Variants in HHAT observed in about 807,000 individuals in gnomAD.
The protein encoded by HHAT is protein-cysteine N-palmitoyltransferase HHAT.
HHAT carries 47 observed loss-of-function variants against 70.8 expected under a neutral mutation model. The observed-to-expected ratio is 0.66, with a 90% CI of 0.53 to 0.85. The LOEUF is 0.85. HHAT is among the 40% of genes least tolerant of loss of function. The pLI is 0.00. For synonymous variants in HHAT, 228 were observed against 247.6 expected (o/e 0.92, Z 0.74); for missense variants, 609 against 604.8 (o/e 1.01, Z -0.07).
At chr1:210,453,641 C>T (rs902604781) in intron 7 of HHAT, among the ~76,000 whole-genome samples, 2 of 152,132 alleles carry the variant, frequency 1.3e-5, no homozygotes, top group Non-Finnish European at 2.9e-5. Flanking sequence ...TTCTTAGATG[C>T]AGAAAATACT....
chr1:210,427,920 G>T (rs1302891349), intron 7 of HHAT, among the ~76,000 whole-genome samples: 1 of 152,000 alleles, frequency 6.6e-6, no homozygotes, highest in Non-Finnish European at 1.5e-5. Flanking sequence ...TATTGTGGGG[G>T]AGTCTAAGTC....
intron 10 of HHAT, among the ~76,000 whole-genome samples, chr1:210,607,792 TA>T (rs1294976474): frequency 1.3e-5 from 2 of 151,544 alleles, no homozygotes; most frequent in South Asian, 2.1e-4. Flanking sequence ...CCATATGCCT[TA>T]AAAAAAATAG....
chr1:210,348,507 A>G (rs1319422993), intron 1 of HHAT, among the ~76,000 whole-genome samples: 1 of 152,162 alleles, frequency 6.6e-6, no homozygotes, highest in Non-Finnish European at 1.5e-5. Context: ...TATTATTCAC[A>G]GAGCACCTGG....
chr1:210,376,686 G>A (rs1269098328), intron 3 of HHAT, among the ~76,000 whole-genome samples: 1 of 152,162 alleles, frequency 6.6e-6, no homozygotes, highest in African/African-American at 2.4e-5. Flanking sequence ...GGGTTCAGGG[G>A]TGCGCTGGGT....
intron 10 of HHAT, among the ~76,000 whole-genome samples, chr1:210,618,309 C>T (rs1294796316): frequency 1.3e-5 from 2 of 152,172 alleles, no homozygotes; most frequent in African/African-American, 4.8e-5. Context: ...CTCATCTTTA[C>T]AGTCTGTGGG....
chr1:210,643,096 A>G (rs1673294434), intron 11 of HHAT, among the ~76,000 whole-genome samples: 1 of 152,226 alleles, frequency 6.6e-6, no homozygotes, highest in African/African-American at 2.4e-5. Flanking sequence ...ATTCATTGAA[A>G]AAACCATTGT....
chr1:210,471,681 G>A (rs2206607), intron 8 of HHAT, among the ~76,000 whole-genome samples: 102,684 of 152,056 alleles, frequency 0.68, 35,011 homozygotes, highest in African/African-American at 0.75. Flanking sequence ...GCAGCAGCGC[G>A]AAGAACACAT....
At chr1:210,578,580 T>C (rs1449869993) in intron 9 of HHAT, among the ~76,000 whole-genome samples, 1 of 152,218 alleles carries the variant, frequency 6.6e-6, no homozygotes, top group African/African-American at 2.4e-5. Flanking sequence ...TAAATATCTA[T>C]TGATACATGA....
chr1:210,576,768 T>C (rs1306614993), intron 9 of HHAT, among the ~76,000 whole-genome samples: 2 of 152,240 alleles, frequency 1.3e-5, no homozygotes, highest in Non-Finnish European at 2.9e-5. Context: ...AAACCTTTCA[T>C]GTGTATGCAG....
intron 11 of HHAT, among the ~76,000 whole-genome samples, chr1:210,627,084 G>A (rs1371142132): frequency 2.0e-5 from 3 of 152,172 alleles, no homozygotes; most frequent in Non-Finnish European, 4.4e-5. Context: ...GGGAAAGGTG[G>A]CCCTTCCCTC....
At chr1:210,360,115 G>A (rs2088109888) in intron 2 of HHAT, among the ~76,000 whole-genome samples, 1 of 152,150 alleles carries the variant, frequency 6.6e-6, no homozygotes, top group Admixed American at 6.5e-5. Flanking sequence ...AGGTTCTCCT[G>A]TATCAACTAC....
rs2095185599 is a variant in HHAT, at chr1:210,523,076, T to A, written c.1043+9888T>A. On this transcript the variant is annotated intron_variant, in intron 9 of 11. Coordinates refer to ENST00000261458, the MANE Select transcript of HHAT (RefSeq NM_018194.6). The stretch of plus-strand genomic sequence containing the variant: ...CCAGTCCCCTCACCTTTCATGGCTT[T>A]TCTTTGACTTTGCTTATGGCCATCC... Among the ~76,000 whole-genome samples, 8 of 152,104 alleles carry A rather than the reference T, an allele frequency of 5.3e-5. No homozygotes were observed. The South Asian group carries it at 1.7e-3, about 32-fold the overall frequency.
chr1:210,396,447 T>C (rs1294138948), intron 4 of HHAT, among the ~76,000 whole-genome samples: 1 of 152,228 alleles, frequency 6.6e-6, no homozygotes, highest in Non-Finnish European at 1.5e-5. Context: ...CACCAAATGC[T>C]GGCAAGGATG....
Position 210,348,967 on chromosome 1 carries a change from C to T in HHAT, c.-9C>T, listed in dbSNP as rs1031562494. On this transcript the variant is annotated 5_prime_UTR_variant, in exon 2 of 12. Coordinates refer to ENST00000261458, the MANE Select transcript of HHAT (RefSeq NM_018194.6). The stretch of plus-strand genomic sequence containing the variant: ...GCGTAGGCATCGGGAACCTTCGTGC[C>T]AAGGAGCCATGCTGCCCCGATGGGA... 7 of 1,613,136 alleles carry T rather than the reference C, an allele frequency of 4.3e-6. No homozygotes were observed. Among genetic ancestry groups the T allele is most frequent in the African/African-American group, 4.0e-5 (3 of 74,814 alleles).
intron 9 of HHAT, among the ~76,000 whole-genome samples, chr1:210,565,151 CA>C (rs1292146130): frequency 6.6e-6 from 1 of 152,126 alleles, no homozygotes; most frequent in Non-Finnish European, 1.5e-5. Context: ...GTGGAAAGGA[CA>C]TCTCTTTAAC....
intron 3 of HHAT, among the ~76,000 whole-genome samples, chr1:210,373,569 A>G (rs1372785608): frequency 6.6e-6 from 1 of 152,174 alleles, no homozygotes; most frequent in Non-Finnish European, 1.5e-5. Flanking sequence ...GAAAAGTTCG[A>G]GATGGATGAA....
intron 7 of HHAT, among the ~76,000 whole-genome samples, chr1:210,450,655 G>C (rs904546003): frequency 6.7e-6 from 1 of 150,254 alleles, no homozygotes; most frequent in African/African-American, 2.4e-5. Flanking sequence ...ATAGCAGAGG[G>C]CACATTTTAT....
chr1:210,546,890 T>C (rs1414191519), intron 9 of HHAT, among the ~76,000 whole-genome samples: 2 of 151,076 alleles, frequency 1.3e-5, no homozygotes, highest in East Asian at 3.9e-4. Context: ...GTGGGGAGAG[T>C]GGAGACAGAA....
At chr1:210,641,834 C>T (rs1188244561) in intron 11 of HHAT, among the ~76,000 whole-genome samples, 1 of 152,174 alleles carries the variant, frequency 6.6e-6, no homozygotes, top group African/African-American at 2.4e-5. Flanking sequence ...TCCATCCAAT[C>T]GTAGGCAATG....
Sources: allele counts gnomAD v4.1 joint callset (sites outside exome capture counted in the v4.1 genomes callset), GRCh38; gene constraint gnomAD v4.1.1; transcripts MANE v1.5; gene names NCBI Gene and HGNC (gene_info 2026-07-23, HGNC 2026-07-21).